The following BNC2 variants were observed in gnomAD, a reference collection of about 807,000 sequenced individuals.
The protein encoded by BNC2 is zinc finger protein basonuclin-2.
BNC2 carries 20 observed loss-of-function variants against 76.3 expected under a neutral mutation model. That is an observed-to-expected ratio of 0.26 (90% CI 0.18 to 0.38). The LOEUF (loss-of-function observed/expected upper bound fraction) is 0.38. Ranked by LOEUF, BNC2 falls within the 10% of genes least tolerant of loss-of-function variation. The pLI is 1.00. For synonymous variants in BNC2, 582 were observed against 514.8 expected, an observed-to-expected ratio of 1.13 and a Z score of -1.77; for missense variants, 1,382 against 1,399.8, an observed-to-expected ratio of 0.99 and a Z score of 0.20.
intron 2 of BNC2, among the ~76,000 whole-genome samples, chr9:16,732,162 A>AAAAAAAAAAGAAAAAG (rs59888253): frequency 9.7e-5 from 12 of 123,588 alleles, no homozygotes; most frequent in Admixed American, 6.6e-4. Context: ...TCCTGCAAAA[A>AAAAAAAAAAGAAAAAG]AAAAAGAAAA....
intron 5 of BNC2, among the ~76,000 whole-genome samples, chr9:16,443,815 G>C (rs1821177664): frequency 6.6e-6 from 1 of 152,170 alleles, no homozygotes; most frequent in Non-Finnish European, 1.5e-5. Flanking sequence ...ACATAAAGTG[G>C]ATTAGTAGTT....
At chr9:16,625,793 A>C (rs1284303871) in intron 3 of BNC2, 1 of 152,204 alleles carries the variant, frequency 6.6e-6, no homozygotes, top group Non-Finnish European at 1.5e-5. Context: ...CTATAAAAAG[A>C]CAGCCAACAA....
intron 5 of BNC2, among the ~76,000 whole-genome samples, chr9:16,536,105 G>T (rs922101574): frequency 2.0e-5 from 3 of 151,942 alleles, no homozygotes; most frequent in Non-Finnish European, 2.9e-5. Flanking sequence ...AAAATGCTGG[G>T]AATTTAAACC....
intron 1 of BNC2, among the ~76,000 whole-genome samples, chr9:16,793,860 GTT>G (rs377349585): frequency 1.0e-5 from 1 of 97,352 alleles, no homozygotes; most frequent in African/African-American, 3.9e-5. Flanking sequence ...TGTGGTTTTT[GTT>G]TTTTTGTTTT....
chr9:16,423,504 C>A (rs969327922), intron 6 of BNC2, among the ~76,000 whole-genome samples: 1 of 152,178 alleles, frequency 6.6e-6, no homozygotes, highest in Non-Finnish European at 1.5e-5. Context: ...AAGAACATAA[C>A]TAAATCTTAC....
At chr9:16,701,752 G>A (rs1823520125) in intron 3 of BNC2, among the ~76,000 whole-genome samples, 1 of 151,766 alleles carries the variant, frequency 6.6e-6, no homozygotes, top group Non-Finnish European at 1.5e-5. Context: ...GACTAGCCTG[G>A]CCAACAAGGT....
chr9:16,862,901 C>T (rs1819445772), intron 1 of BNC2, among the ~76,000 whole-genome samples: 1 of 133,030 alleles, frequency 7.5e-6, no homozygotes, highest in Admixed American at 8.7e-5. Context: ...CTATATATAG[C>T]TATATATAGA....
intron 5 of BNC2, among the ~76,000 whole-genome samples, chr9:16,516,763 T>C (rs1449721151): frequency 6.6e-6 from 1 of 152,198 alleles, no homozygotes; most frequent in Non-Finnish European, 1.5e-5. Context: ...AAAAAGTGAA[T>C]AAAAAGGTGT....
chr9:16,494,001 T>A (rs889344410), intron 5 of BNC2, among the ~76,000 whole-genome samples: 1 of 151,916 alleles, frequency 6.6e-6, no homozygotes, highest in Admixed American at 6.5e-5. Flanking sequence ...AACTAATAGG[T>A]CTTGACCATA....
At chr9:16,848,385 C>A (rs1044106472) in intron 1 of BNC2, among the ~76,000 whole-genome samples, 1 of 152,058 alleles carries the variant, frequency 6.6e-6, no homozygotes, top group East Asian at 1.9e-4. Flanking sequence ...GTATAATAAT[C>A]CACCCTGGAA....
chr9:16,603,290 T>C (rs558986838), intron 3 of BNC2, among the ~76,000 whole-genome samples: 49 of 152,334 alleles, frequency 3.2e-4, no homozygotes, highest in Non-Finnish European at 5.7e-4. Context: ...CAAAATTTAC[T>C]TCTACACAGT....
At chr9:16,498,835 T>C (rs1352229755) in intron 5 of BNC2, among the ~76,000 whole-genome samples, 1 of 152,148 alleles carries the variant, frequency 6.6e-6, no homozygotes, top group Non-Finnish European at 1.5e-5. Flanking sequence ...TTCTAAATCC[T>C]ATTGTCCAAT....
intron 5 of BNC2, among the ~76,000 whole-genome samples, chr9:16,454,628 C>T (rs1042742445): frequency 5.9e-5 from 9 of 152,062 alleles, no homozygotes; most frequent in Admixed American, 4.6e-4. Flanking sequence ...TGTTCTTATA[C>T]CTAATTTGTT....
intron 3 of BNC2, among the ~76,000 whole-genome samples, chr9:16,614,462 T>TC (rs1192570033): frequency 2.7e-5 from 1 of 36,380 alleles, no homozygotes; most frequent in Non-Finnish European, 1.1e-4. Context: ...AACCTTTTCT[T>TC]GAAAAAAAAA....
chr9:16,465,184 C>A (rs1821677372), intron 5 of BNC2, among the ~76,000 whole-genome samples: 1 of 152,086 alleles, frequency 6.6e-6, no homozygotes, highest in Non-Finnish European at 1.5e-5. Flanking sequence ...GCCTGTAATC[C>A]CAACACTTTG....
chr9:16,811,241 A>AC (rs1818043614), intron 1 of BNC2, among the ~76,000 whole-genome samples: 1 of 145,224 alleles, frequency 6.9e-6, no homozygotes, highest in South Asian at 2.2e-4. Context: ...AAAAAAAAAA[A>AC]AAACCAAAAA....
chr9:16,844,620 T>G (rs1314642778), intron 1 of BNC2, among the ~76,000 whole-genome samples: 1 of 148,048 alleles, frequency 6.8e-6, no homozygotes, highest in Non-Finnish European at 1.5e-5. Flanking sequence ...TGCCTCAGCC[T>G]CCCGAGTAGC....
chr9:16,662,925 A>C (rs1008750703), intron 3 of BNC2, among the ~76,000 whole-genome samples: 43 of 152,148 alleles, frequency 2.8e-4, no homozygotes, highest in African/African-American at 9.7e-4. Context: ...TACCTGCAGT[A>C]AGTGCCTTAA....
intron 5 of BNC2, among the ~76,000 whole-genome samples, chr9:16,526,148 G>A (rs1236050278): frequency 1.3e-5 from 2 of 151,444 alleles, no homozygotes; most frequent in East Asian, 3.9e-4. Context: ...ACTCTTTTTG[G>A]TCTTTTCAGA....
Sources: gnomAD v4.1 joint callset for allele counts (sites outside exome capture counted in the v4.1 genomes callset) on GRCh38, gnomAD v4.1.1 for gene constraint, MANE v1.5 for transcripts, NCBI Gene and HGNC (gene_info 2026-07-23, HGNC 2026-07-21) for gene names.